Variants in NEBL observed in about 807,000 individuals in gnomAD.
NEBL encodes the protein LIM and SH3 protein 2.
In NEBL, 122 loss-of-function variants were observed where a neutral mutation model predicts 140.2. The observed-to-expected ratio is 0.87, with a 90% CI of 0.75 to 1.01. The LOEUF (loss-of-function observed/expected upper bound fraction) is 1.01, where lower values mean the gene tolerates loss of function less well. NEBL is among the 50% of genes least tolerant of loss of function. The pLI, the probability that NEBL is intolerant of heterozygous loss-of-function variation, is 0.00. For synonymous variants in NEBL, 436 were observed against 398.9 expected, an observed-to-expected ratio of 1.09 and a Z score of -1.11; for missense variants, 1,365 against 1,231.3, an observed-to-expected ratio of 1.11 and a Z score of -1.62.
At chr10:20,808,953 G>A (rs1374271102) in intron 25 of NEBL, among the ~76,000 whole-genome samples, 1 of 152,144 alleles carries the variant, frequency 6.6e-6, no homozygotes, top group South Asian at 2.1e-4. Context: ...TTTGTTAATT[G>A]TAATGCCTGG....
intron 3 of NEBL, among the ~76,000 whole-genome samples, chr10:21,245,154 A>C (rs375215224): frequency 2.6e-5 from 4 of 152,216 alleles, no homozygotes; most frequent in African/African-American, 9.6e-5. Context: ...ACGGAGCAAG[A>C]CTCTTTCTCA....
intron 3 of NEBL, among the ~76,000 whole-genome samples, chr10:20,965,365 G>T (rs1421221615): frequency 6.6e-6 from 1 of 152,222 alleles, no homozygotes; most frequent in Non-Finnish European, 1.5e-5. Context: ...AGACAGGGTG[G>T]TCAGGGAAGT....
At chr10:21,148,205 C>T (rs1056682353) in intron 2 of NEBL, among the ~76,000 whole-genome samples, 1 of 152,128 alleles carries the variant, frequency 6.6e-6, no homozygotes, top group African/African-American at 2.4e-5. Flanking sequence ...TGCAAATGTC[C>T]CAGCTTCTTC....
chr10:21,149,242 C>A (rs538122399), intron 2 of NEBL, among the ~76,000 whole-genome samples: 1 of 152,292 alleles, frequency 6.6e-6, no homozygotes, highest in Non-Finnish European at 1.5e-5. Context: ...AGCTCTGTAA[C>A]CCTTCCTCAC....
At chr10:20,819,098 G>C in intron 20 of NEBL, 2 of 1,013,580 alleles carry the variant, frequency 2.0e-6, no homozygotes, top group Non-Finnish European at 2.5e-6. Context: ...AGCGGTACAT[G>C]TGCAGGTTTG....
At chr10:20,798,110 C>CAAA (rs11453441) in intron 26 of NEBL, among the ~76,000 whole-genome samples, 1 of 126,358 alleles carries the variant, frequency 7.9e-6, no homozygotes, top group Non-Finnish European at 1.7e-5. Flanking sequence ...TTTCTAATTA[C>CAAA]AAAAAAAAAA....
chr10:21,254,398 G>A (rs558896823), intron 1 of NEBL, among the ~76,000 whole-genome samples: 2 of 152,008 alleles, frequency 1.3e-5, no homozygotes, highest in East Asian at 1.9e-4. Flanking sequence ...CTGGGATTAC[G>A]GGCATGAGCC....
chr10:21,002,847 C>A (rs1837963624), intron 3 of NEBL, among the ~76,000 whole-genome samples: 1 of 152,090 alleles, frequency 6.6e-6, no homozygotes, highest in South Asian at 2.1e-4. Context: ...TACAATTCCA[C>A]AAGAGATTTG....
At chr10:21,012,894 A>C (rs1444848640) in intron 3 of NEBL, among the ~76,000 whole-genome samples, 2 of 152,200 alleles carry the variant, frequency 1.3e-5, no homozygotes, top group African/African-American at 4.8e-5. Flanking sequence ...CCAACTTTCC[A>C]GGCCTTGGGA....
intron 7 of NEBL, 127 bp from the exon 8 acceptor site, chr10:20,859,953 G>T (rs569968549): frequency 1.8e-6 from 1 of 571,322 alleles, no homozygotes; most frequent in East Asian, 3.0e-5. Context: ...GGTATCCATC[G>T]CCTTCTATAA....
intron 2 of NEBL, chr10:21,110,926 A>ACAAG (rs1431345333): frequency 3.8e-6 from 2 of 528,664 alleles, no homozygotes; most frequent in African/African-American, 3.7e-5. Flanking sequence ...TGCAAAAATC[A>ACAAG]CAAGCATTCC....
intron 4 of NEBL, among the ~76,000 whole-genome samples, chr10:20,881,540 T>C (rs1323385012): frequency 6.6e-6 from 1 of 152,142 alleles, no homozygotes; most frequent in Non-Finnish European, 1.5e-5. Flanking sequence ...AACCACAAAG[T>C]TGGAAATTAA....
Position 20,785,932 on chromosome 10 carries a change from G to A in NEBL, c.2869-9C>T. The A allele has an allele frequency of 1.2e-6, 2 of 1,613,230 alleles. No homozygotes were observed. Among genetic ancestry groups the A allele is most frequent in the Non-Finnish European group, 1.7e-6 (2 of 1,179,326 alleles). ...ATGGCTCGGTAGGTCCTCTGAGAAA[G>A]GAAGAAGGGATTATACGATGAATGC... is the stretch of plus-strand genomic sequence containing the variant. On this transcript the variant is annotated splice_polypyrimidine_tract_variant and intron_variant, in intron 27 of 27. Transcript: ENST00000377122.
chr10:20,967,813 C>T (rs1011413144), intron 3 of NEBL, among the ~76,000 whole-genome samples: 3 of 152,064 alleles, frequency 2.0e-5, no homozygotes, highest in African/African-American at 7.2e-5. Context: ...TATCACCCTA[C>T]AAAACTTGCA....
intron 2 of NEBL, among the ~76,000 whole-genome samples, chr10:21,067,122 G>C (rs149946391): frequency 3.3e-5 from 5 of 151,566 alleles, no homozygotes; most frequent in Non-Finnish European, 5.9e-5. Flanking sequence ...ACAGGCGCCC[G>C]CCACCACGCC....
At chr10:21,259,114 GTCTC>G in intron 1 of NEBL, among the ~76,000 whole-genome samples, 1 of 150,496 alleles carries the variant, frequency 6.6e-6, no homozygotes, top group East Asian at 1.9e-4. Flanking sequence ...TTGAGACAGA[GTCTC>G]TCTCTGTCAC....
intron 4 of NEBL, among the ~76,000 whole-genome samples, chr10:20,943,633 A>G (rs1455549702): frequency 1.3e-5 from 2 of 152,174 alleles, no homozygotes; most frequent in African/African-American, 4.8e-5. Context: ...TTATCACATA[A>G]TCCATATAGC....
At chr10:21,017,699 G>A (rs1241328632) in intron 3 of NEBL, among the ~76,000 whole-genome samples, 3 of 152,090 alleles carry the variant, frequency 2.0e-5, no homozygotes, top group African/African-American at 7.2e-5. Flanking sequence ...CAAAGTGTGT[G>A]GTGTGCCTTC....
At chr10:21,254,397 C>T (rs539187997) in intron 1 of NEBL, among the ~76,000 whole-genome samples, 49 of 152,150 alleles carry the variant, frequency 3.2e-4, no homozygotes, top group Admixed American at 1.4e-3. Context: ...TCTGGGATTA[C>T]GGGCATGAGC....
Sources: gnomAD v4.1 joint callset for allele counts (sites outside exome capture counted in the v4.1 genomes callset) on GRCh38, gnomAD v4.1.1 for gene constraint, MANE v1.5 for transcripts, NCBI Gene and HGNC (gene_info 2026-07-23, HGNC 2026-07-21) for gene names.